Variants in DCT observed in about 807,000 individuals in gnomAD.
The protein encoded by DCT is L-dopachrome tautomerase.
A neutral mutation model predicts 53.0 loss-of-function variants in DCT; 47 were observed. The ratio of observed to expected loss-of-function variants is 0.89; its 90% CI spans 0.70 to 1.13. The LOEUF (loss-of-function observed/expected upper bound fraction) is 1.13. Among genes scored for constraint, DCT ranks in the 50% most tolerant of loss-of-function variants. DCT has a pLI of 0.00. For synonymous variants in DCT, 244 were observed against 237.0 expected (o/e 1.03, Z -0.27); for missense variants, 669 against 637.4 (o/e 1.05, Z -0.53).
At chr13:94,544,916 T>C in the DCT span, among the ~76,000 whole-genome samples, 1 of 152,158 alleles carries the variant, frequency 6.6e-6, no homozygotes, top group Admixed American at 6.5e-5. Context: ...TTATTATGTA[T>C]AACAATTATA....
the DCT span, among the ~76,000 whole-genome samples, chr13:94,531,493 T>A: frequency 6.6e-6 from 1 of 152,172 alleles, no homozygotes; most frequent in Non-Finnish European, 1.5e-5. Flanking sequence ...ACCACACATC[T>A]ACGACCGTCT....
In DCT at chr13:94,460,152, T is replaced by G; in HGVS notation, c.1118A>C (p.His373Pro). 2 of 1,614,128 alleles carry G rather than the reference T, an allele frequency of 1.2e-6. No homozygotes were observed. Among genetic ancestry groups the G allele is most frequent in the Non-Finnish European group, 1.7e-6 (2 of 1,179,990 alleles). ...AGCGTTTGTCCCGTTCAGGAAGGAA[T>G]GAACCAAATTATGAAGGCTCATCAC... ...SQVMSLHNLV[H>P]SFLNGTNALP... is the part of the protein sequence containing the mutation. The change falls in exon 6 of 8, where the codon CAT (histidine) becomes CCT (proline). Residue 373 changes from histidine to proline, a missense_variant. His to Pro is a moderately conservative substitution (Grantham distance 77, BLOSUM62 -2). Transcript: ENST00000377028.
intron 2 of DCT, chr13:94,466,873 T>C: frequency 3.2e-6 from 1 of 309,178 alleles, no homozygotes; most frequent in Non-Finnish European, 5.9e-6. Flanking sequence ...CCTTTATCTC[T>C]TAAAAGGTTG....
At chr13:94,486,481 C>G in the DCT span, among the ~76,000 whole-genome samples, 1 of 152,208 alleles carries the variant, frequency 6.6e-6, no homozygotes, top group Non-Finnish European at 1.5e-5. Context: ...CTTGCATTAA[C>G]TAAATTACCC....
intron 1 of DCT, 125 bp downstream of exon 1, chr13:94,478,836 A>T (rs61758412): frequency 1.1e-6 from 1 of 940,108 alleles, no homozygotes; most frequent in Non-Finnish European, 1.6e-6. Context: ...TCCGACCAAA[A>T]CCATCATTGG....
the DCT span, among the ~76,000 whole-genome samples, chr13:94,523,884 C>A: frequency 4.0e-5 from 6 of 151,430 alleles, no homozygotes; most frequent in African/African-American, 1.5e-4. Context: ...TTTTTTTTTA[C>A]CATTTTGCAT....
chr13:94,443,662 T>C (rs1383290965), intron 6 of DCT, 25 bp from the exon 7 acceptor site: 1 of 1,575,462 alleles, frequency 6.3e-7, no homozygotes, highest in East Asian at 2.2e-5. Context: ...GACACAGCAT[T>C]TAACATAAAT....
chr13:94,544,323 A>G, the DCT span, among the ~76,000 whole-genome samples: 4 of 152,318 alleles, frequency 2.6e-5, no homozygotes, highest in East Asian at 7.7e-4. Flanking sequence ...ATCATTTTTC[A>G]TTATTTTTGA....
chr13:94,542,957 G>A, the DCT span, among the ~76,000 whole-genome samples: 1 of 152,166 alleles, frequency 6.6e-6, no homozygotes, highest in East Asian at 1.9e-4. Flanking sequence ...ATTTACAAAG[G>A]ACGTTTTCAT....
chr13:94,516,497 G>A, the DCT span, among the ~76,000 whole-genome samples: 2 of 152,028 alleles, frequency 1.3e-5, no homozygotes, highest in Admixed American at 6.5e-5. Flanking sequence ...AAATCATTAG[G>A]AGACAACCTG....
Position 94,439,834 on chromosome 13 carries a change from C to T in DCT, c.*64G>A, listed in dbSNP as rs2139264252. The T allele has an allele frequency of 7.8e-7, 1 of 1,282,362 alleles. No homozygotes were observed. The highest frequency in any genetic ancestry group is 1.4e-5 in the South Asian group (1 of 71,284). 79.4% of individuals were successfully genotyped at this position (1,282,362 alleles called of 1,614,324 possible). On this transcript the variant is annotated 3_prime_UTR_variant, in exon 8 of 8. Coordinates refer to ENST00000377028, the MANE Select transcript of DCT (RefSeq NM_001922.5). ...AAGAAGGAACAGTGAGGATTAGTTC[C>T]TTTATTGTCAGCGTCAGAACTGTGG...
At chr13:94,505,150 C>A in the DCT span, among the ~76,000 whole-genome samples, 11 of 150,844 alleles carry the variant, frequency 7.3e-5, no homozygotes, top group Non-Finnish European at 1.5e-4. Flanking sequence ...CTTTGTTATC[C>A]TGAAGGCCCT....
At position 94,439,886 on chromosome 13, in the gene DCT, G is replaced by A; in HGVS notation, c.*12C>T. On this transcript the variant is annotated 3_prime_UTR_variant, in exon 8 of 8. Coordinates refer to ENST00000377028, the MANE Select transcript of DCT (RefSeq NM_001922.5). ...TTGGCCAGCCTCTTCTCTTAGGTAA[G>A]GCATGAGCACCCTAGGCTTCTTCTG... is the stretch of plus-strand genomic sequence containing the variant. 6.2e-7 allele frequency: 1 copy of A among 1,605,936 alleles called. No individual in the cohort carries two copies.
intron 1 of DCT, among the ~76,000 whole-genome samples, chr13:94,478,466 G>C (rs1453132704): frequency 1.3e-5 from 2 of 152,088 alleles, no homozygotes; most frequent in Non-Finnish European, 2.9e-5. Flanking sequence ...GACAAAGCGA[G>C]ACTCCATCTC....
At chr13:94,535,045 A>C in the DCT span, among the ~76,000 whole-genome samples, 1 of 152,216 alleles carries the variant, frequency 6.6e-6, no homozygotes, top group African/African-American at 2.4e-5. Context: ...ACCTGGCCCA[A>C]ATGAATGTTG....
intron 6 of DCT, among the ~76,000 whole-genome samples, chr13:94,459,819 T>C (rs1883662820): frequency 6.6e-6 from 1 of 152,224 alleles, no homozygotes; most frequent in African/African-American, 2.4e-5. Context: ...AAAAATCATT[T>C]ATTATTATGC....
chr13:94,526,769 T>C, the DCT span, among the ~76,000 whole-genome samples: 1 of 151,850 alleles, frequency 6.6e-6, no homozygotes, highest in Non-Finnish European at 1.5e-5. Flanking sequence ...TTGGGACCGG[T>C]TGGATAGTGG....
At chr13:94,509,435 A>G in the DCT span, among the ~76,000 whole-genome samples, 1 of 147,074 alleles carries the variant, frequency 6.8e-6, no homozygotes, top group Non-Finnish European at 1.5e-5. Context: ...CCCCACACAC[A>G]CACAGAGGAG....
chr13:94,468,421 T>G lies in DCT; in HGVS notation c.595+325A>C, dbSNP rs1000252531. The G allele has an allele frequency of 1.7e-5, 4 of 233,076 alleles. No individual in the cohort carries two copies. In the East Asian group the frequency reaches 2.7e-4, roughly 16 times the overall value. 14.4% of individuals were successfully genotyped at this position (233,076 alleles called of 1,614,324 possible). A position where few individuals can be genotyped will look rare whatever the true frequency, so the allele number is the denominator to read the frequency against. On this transcript the variant is annotated intron_variant, in intron 2 of 7. Transcript: ENST00000377028. ...TTCCATGGCCAGATTCGCAAATATT[T>G]TCTTCTGAAATCAAAAGGAATTCGC...
Sources: allele counts gnomAD v4.1 joint callset (sites outside exome capture counted in the v4.1 genomes callset), GRCh38; gene constraint gnomAD v4.1.1; transcripts MANE v1.5; gene names NCBI Gene and HGNC (gene_info 2026-07-23, HGNC 2026-07-21).